The following CDCA2 variants were observed in gnomAD, a reference collection of about 807,000 sequenced individuals.
CDCA2 encodes cell division cycle associated 2, also known as cell division cycle-associated protein 2.
CDCA2 carries 44 observed loss-of-function variants against 67.0 expected under a neutral mutation model. That is an observed-to-expected ratio of 0.66 (90% CI 0.52 to 0.84). The LOEUF is 0.84. Among genes scored for constraint, CDCA2 ranks in the 40% least tolerant of loss-of-function variants. The pLI, the probability that CDCA2 is intolerant of heterozygous loss-of-function variation, is 0.00. For missense variants in CDCA2, 1,253 were observed against 1,203.2 expected (o/e 1.04, Z -0.61); for synonymous variants, 447 against 418.7 (o/e 1.07, Z -0.82).
chr8:25,496,682 C>G (rs1804235836), intron 13 of CDCA2, among the ~76,000 whole-genome samples: 1 of 152,044 alleles, frequency 6.6e-6, no homozygotes, highest in East Asian at 1.9e-4. Context: ...CATCACTAAT[C>G]ATCAGGGAAA....
At chr8:25,482,278 G>C (rs768833427) in intron 8 of CDCA2, among the ~76,000 whole-genome samples, 4 of 152,156 alleles carry the variant, frequency 2.6e-5, no homozygotes, top group African/African-American at 4.8e-5. Context: ...CAAATACTAA[G>C]AATAGGTGTG....
At chr8:25,464,958 C>T (rs1329267229) in intron 4 of CDCA2, among the ~76,000 whole-genome samples, 1 of 152,036 alleles carries the variant, frequency 6.6e-6, no homozygotes, top group East Asian at 1.9e-4. Context: ...ATATGAACTG[C>T]TTTTTCTCCC....
chr8:25,503,461 A>C lies in CDCA2; in HGVS notation c.1760A>C (p.Lys587Thr), dbSNP rs989208696. ...LYGERDIASK[K>T]PLLSPIPELP... The stretch of plus-strand genomic sequence containing the variant: ...GGGGAAAGAGACATTGCTTCTAAGA[A>C]GCCCCTCCTCAGTCCTATTCCCGAG... The change falls in exon 14 of 15, where the codon AAG becomes ACG. Residue 587 changes from lysine (K) to threonine (T), a missense_variant. By Grantham distance (78) the Lys-to-Thr change is moderately conservative. Transcript: ENST00000330560. The C allele has an allele frequency of 1.2e-6, 2 of 1,614,034 alleles. No homozygotes were observed. Among genetic ancestry groups the C allele is most frequent in the Non-Finnish European group, 1.7e-6 (2 of 1,179,882 alleles).
chr8:25,481,341 C>T (rs1293172190), intron 8 of CDCA2, among the ~76,000 whole-genome samples: 1 of 151,900 alleles, frequency 6.6e-6, no homozygotes, highest in Non-Finnish European at 1.5e-5. Flanking sequence ...GGAACTCTTA[C>T]TTTCTAACAA....
intron 13 of CDCA2, among the ~76,000 whole-genome samples, chr8:25,497,191 G>T (rs1180831308): frequency 6.6e-6 from 1 of 151,960 alleles, no homozygotes; most frequent in Non-Finnish European, 1.5e-5. Context: ...ACATTACGGG[G>T]GTTCCTCAAA....
At chr8:25,499,382 C>T (rs551664706) in intron 13 of CDCA2, among the ~76,000 whole-genome samples, 35 of 148,156 alleles carry the variant, frequency 2.4e-4, no homozygotes, top group Non-Finnish European at 5.2e-4. Flanking sequence ...CAGCTCACTG[C>T]AGCCTCCGCC....
intron 12 of CDCA2, 111 bp downstream of exon 12, chr8:25,487,445 A>G (rs1803822893): frequency 5.4e-6 from 4 of 741,972 alleles, no homozygotes; most frequent in African/African-American, 1.8e-5. Context: ...CAGTGTCATT[A>G]AGAATTAATA....
intron 13 of CDCA2, among the ~76,000 whole-genome samples, chr8:25,497,054 G>A (rs942155276): frequency 3.9e-5 from 6 of 152,106 alleles, no homozygotes; most frequent in African/African-American, 1.2e-4. Flanking sequence ...GTAAACTCTG[G>A]TGAGTGATGG....
intron 13 of CDCA2, among the ~76,000 whole-genome samples, chr8:25,498,463 C>CCT (rs71214578): frequency 8.0e-6 from 1 of 125,750 alleles, no homozygotes. Flanking sequence ...ACCCCCCCCC[C>CCT]GCCCCCCAGG....
intron 7 of CDCA2, among the ~76,000 whole-genome samples, chr8:25,471,027 C>T (rs1004877040): frequency 3.3e-5 from 5 of 152,078 alleles, no homozygotes; most frequent in Non-Finnish European, 1.5e-5. Context: ...CTCCTAAAGT[C>T]CTGGGATTAC....
Position 25,469,986 on chromosome 8 carries a change from T to C in CDCA2, c.820+6T>C. ...GCTCACAGAGACTTCAAATGGTAAG[T>C]AATCTTTTCTTAGTACATGGCCAGT... On this transcript the variant is annotated splice_donor_region_variant and intron_variant, in intron 7 of 14. Transcript: ENST00000330560. 1.3e-6 allele frequency: 2 copies of C among 1,579,294 alleles called. No homozygotes were observed. Among genetic ancestry groups the C allele is most frequent in the Non-Finnish European group, 1.7e-6 (2 of 1,149,656 alleles).
intron 8 of CDCA2, 132 bp downstream of exon 8, chr8:25,480,256 T>C: frequency 1.3e-6 from 1 of 771,990 alleles, no homozygotes; most frequent in East Asian, 2.7e-5. Context: ...TAAATTTTTT[T>C]CCTCATCTTT....
At chr8:25,492,011 T>A (rs1305402874) in intron 13 of CDCA2, among the ~76,000 whole-genome samples, 1 of 152,196 alleles carries the variant, frequency 6.6e-6, no homozygotes, top group Non-Finnish European at 1.5e-5. Context: ...TTAGCCAGGC[T>A]GGTCTCAAAC....
rs190383403 is a variant in CDCA2, at chr8:25,485,340, C to G, written c.1366-419C>G. Among the ~76,000 whole-genome samples, 229 of 152,092 alleles carry G rather than the reference C, an allele frequency of 1.5e-3. 2 individuals are homozygous for G. Among genetic ancestry groups the G allele is most frequent in the Non-Finnish European group, 4.1e-4 (28 of 67,974 alleles). ...TGCAAAACCAACAGTTAATGTCTTA[C>G]CAACAATTATGTGGAAAAGATTTGC... On this transcript the variant is annotated intron_variant, in intron 10 of 14. Coordinates refer to ENST00000330560, the MANE Select transcript of CDCA2 (RefSeq NM_152562.4).
rs749142742 is a variant in CDCA2, at chr8:25,506,893, G to A, written c.2227G>A (p.Gly743Ser). Reference protein sequence around the residue: ...LQQGQEFSAGGQNAENLCQFF... With the variant: ...LQQGQEFSAGSQNAENLCQFF... ...GCAGGGTCAAGAATTTTCTGCTGGT[G>A]GTCAAAATGCAGAAAACCTTTGTCA... Residue 743 changes from glycine (G) to serine (S), a missense_variant, in exon 15 of 15, where the codon GGT becomes AGT. By Grantham distance (56) the Gly-to-Ser change is moderately conservative. Transcript: ENST00000330560. The A allele has an allele frequency of 6.2e-7, 1 of 1,612,018 alleles. No homozygotes were observed.
intron 7 of CDCA2, among the ~76,000 whole-genome samples, chr8:25,471,329 A>G (rs1029521538): frequency 1.3e-5 from 2 of 151,266 alleles, no homozygotes; most frequent in Non-Finnish European, 2.9e-5. Flanking sequence ...CCACAATGGA[A>G]TAAGGTGTTC....
At chr8:25,494,512 A>G (rs1804136143) in intron 13 of CDCA2, among the ~76,000 whole-genome samples, 1 of 152,312 alleles carries the variant, frequency 6.6e-6, no homozygotes, top group South Asian at 2.1e-4. Context: ...CTCTATGCAA[A>G]TACTGTGCCA....
chr8:25,502,698 T>G (rs1237180553), intron 13 of CDCA2, among the ~76,000 whole-genome samples: 3 of 152,032 alleles, frequency 2.0e-5, no homozygotes, highest in Non-Finnish European at 4.4e-5. Context: ...TAATCCTGAG[T>G]CATCACAACT....
rs1358441848 is a variant in CDCA2, at chr8:25,466,321, C to T, written c.534C>T (p.Asp178=). The change falls in exon 5 of 15, where the codon GAC becomes GAT. Residue 178 remains aspartate (D), a synonymous_variant. Transcript: ENST00000330560. ...CAGGAAAAGAGTCCGAGATGACAGA[C>T]TTGAGTGAGTAGAAATAATTCGTTC... is the stretch of plus-strand genomic sequence containing the variant. ...SEAGKESEMT[D]LTRKEGLSAC... The T allele has an allele frequency of 1.3e-6, 2 of 1,588,410 alleles. No individual in the cohort carries two copies. Among genetic ancestry groups the T allele is most frequent in the African/African-American group, 2.7e-5 (2 of 73,064 alleles).
Sources: gnomAD v4.1 joint callset for allele counts (sites outside exome capture counted in the v4.1 genomes callset) on GRCh38, gnomAD v4.1.1 for gene constraint, MANE v1.5 for transcripts, NCBI Gene and HGNC (gene_info 2026-07-23, HGNC 2026-07-21) for gene names.